Variants in DOCK4 observed in about 807,000 individuals in gnomAD.
DOCK4 encodes the protein dedicator of cytokinesis 4.
A neutral mutation model predicts 268.1 loss-of-function variants in DOCK4; 97 were observed. The ratio of observed to expected loss-of-function variants is 0.36; its 90% confidence interval spans 0.31 to 0.43. The LOEUF is 0.43. DOCK4 is among the 20% of genes least tolerant of loss of function. The probability of loss-of-function intolerance (pLI) is 1.00; values close to 1 mark genes in which losing one functional copy is unlikely to be tolerated. For synonymous variants in DOCK4, 954 were observed against 887.2 expected, an observed-to-expected ratio of 1.08 and a Z score of -1.34; for missense variants, 2,145 against 2,455.7, an observed-to-expected ratio of 0.87 and a Z score of 2.67.
intron 12 of DOCK4, among the ~76,000 whole-genome samples, chr7:111,918,466 T>C (rs1792807278): frequency 6.6e-6 from 1 of 152,206 alleles, no homozygotes; most frequent in South Asian, 2.1e-4. Context: ...TCTGGATGAT[T>C]TGATGGAGAC....
At chr7:111,746,628 T>C (rs1009625971) in intron 43 of DOCK4, among the ~76,000 whole-genome samples, 20 of 152,108 alleles carry the variant, frequency 1.3e-4, no homozygotes, top group African/African-American at 3.9e-4. Flanking sequence ...GTACAATAAG[T>C]ACCCTTGCTA....
chr7:111,768,082 A>G (rs746825841), intron 37 of DOCK4, among the ~76,000 whole-genome samples: 4 of 152,168 alleles, frequency 2.6e-5, no homozygotes, highest in Non-Finnish European at 4.4e-5. Flanking sequence ...TAAAATGTGC[A>G]TTTCATATCA....
intron 12 of DOCK4, among the ~76,000 whole-genome samples, chr7:111,930,941 G>A (rs1294261106): frequency 6.6e-6 from 1 of 152,196 alleles, no homozygotes; most frequent in Non-Finnish European, 1.5e-5. Context: ...TTCTTCCTGA[G>A]CTTCCACTCT....
At chr7:112,033,030 GT>G (rs1239193504) in intron 1 of DOCK4, among the ~76,000 whole-genome samples, 2 of 152,032 alleles carry the variant, frequency 1.3e-5, no homozygotes, top group African/African-American at 4.8e-5. Flanking sequence ...AAATATGTCT[GT>G]TTATTTTAGC....
In DOCK4 at chr7:111,928,586, CT is replaced by C. The variant is rs200976875; in HGVS notation, c.1066+6953del. Among the ~76,000 whole-genome samples the C allele has an allele frequency of 3.2e-3, 417 of 129,490 alleles. 2 individuals are homozygous for C. Among genetic ancestry groups the C allele is most frequent in the South Asian group, 8.8e-3 (35 of 3,988 alleles). The allele number at this position is 129,490 out of a possible 152,430, so 85.0% of individuals were successfully genotyped here. A position where few individuals can be genotyped will look rare whatever the true frequency, so the allele number is the denominator to read the frequency against. ...GCAAAATAGCCTGGATTTTCTTTTT[CT>C]TTTTTTTTTTTTTTTTTTAAGATGG... On this transcript the variant is annotated intron_variant, in intron 12 of 52. Coordinates refer to ENST00000428084, the MANE Select transcript of DOCK4 (RefSeq NM_001363540.2).
chr7:112,013,006 T>C (rs1562991584), intron 1 of DOCK4, among the ~76,000 whole-genome samples: 4 of 152,080 alleles, frequency 2.6e-5, no homozygotes, highest in Non-Finnish European at 2.9e-5. Context: ...TTAGCAAATA[T>C]CACAAAAGTG....
At chr7:111,903,996 T>C (rs896106533) in intron 13 of DOCK4, among the ~76,000 whole-genome samples, 5 of 152,190 alleles carry the variant, frequency 3.3e-5, no homozygotes, top group African/African-American at 1.2e-4. Context: ...ACACAGGGAT[T>C]AACTGTCCTG....
At position 111,755,373 on chromosome 7, in the gene DOCK4, C is replaced by T. The variant is rs539277065; in HGVS notation, c.4416+142G>A. On this transcript the variant is annotated intron_variant, in intron 42 of 52. Transcript: ENST00000428084. The stretch of plus-strand genomic sequence containing the variant: ...TTCACCTTCTCAGCCTTGGTAATAG[C>T]GGTCAAGACCATAAACATTCACTAT... 99 of 714,736 alleles carry T rather than the reference C, an allele frequency of 1.4e-4. 1 individual carries two copies. The Middle Eastern group carries it at 2.2e-3, about 16-fold the overall frequency. The allele number at this position is 714,736 out of a possible 1,614,324, so 44.3% of individuals were successfully genotyped here.
chr7:111,822,402 A>T lies in DOCK4; in HGVS notation c.2890T>A (p.Phe964Ile), dbSNP rs1468513815. Residue 964 changes from phenylalanine to isoleucine, a missense_variant, in exon 27 of 53, where the codon TTT becomes ATT. Physicochemically the swap from Phe to Ile is conservative, Grantham distance 21. Coordinates refer to ENST00000428084, the MANE Select transcript of DOCK4 (RefSeq NM_001363540.2). ...VFRILIRPEMFPKDWTVMRLV... is the reference protein window; with the variant it reads ...VFRILIRPEMIPKDWTVMRLV... The stretch of plus-strand genomic sequence containing the variant: ...CGCATAACAGTCCAGTCCTTTGGAA[A>T]CATCTCCGGGCGTATCAATATTCGG... 1 of 1,613,684 alleles carries T rather than the reference A, an allele frequency of 6.2e-7. No homozygotes were observed. The highest frequency in any genetic ancestry group is 8.5e-7 in the Non-Finnish European group (1 of 1,179,776).
chr7:111,881,511 T>C (rs2134290126), intron 16 of DOCK4, among the ~76,000 whole-genome samples: 1 of 152,266 alleles, frequency 6.6e-6, no homozygotes, highest in Admixed American at 6.5e-5. Context: ...GGAGAAGAGT[T>C]TGGAGGTTCC....
At chr7:112,200,287 G>A (rs1389648795) in intron 1 of DOCK4, among the ~76,000 whole-genome samples, 1 of 152,046 alleles carries the variant, frequency 6.6e-6, no homozygotes, top group Non-Finnish European at 1.5e-5. Context: ...GGTGGTACTG[G>A]GGGATATTTA....
intron 1 of DOCK4, among the ~76,000 whole-genome samples, chr7:112,184,893 T>C (rs532484838): frequency 6.6e-6 from 1 of 152,164 alleles, no homozygotes; most frequent in Non-Finnish European, 1.5e-5. Flanking sequence ...CTCAAGATCA[T>C]CCACAGTAAT....
intron 8 of DOCK4, among the ~76,000 whole-genome samples, chr7:111,960,120 C>T (rs1796750769): frequency 6.6e-6 from 1 of 151,866 alleles, no homozygotes. Context: ...TATCCTAGCA[C>T]TTTCGGAGGC....
intron 1 of DOCK4, among the ~76,000 whole-genome samples, chr7:112,156,211 T>C (rs183284338): frequency 6.6e-6 from 1 of 152,292 alleles, no homozygotes; most frequent in East Asian, 1.9e-4. Context: ...ATGGCCTCCC[T>C]CACACTGTGT....
intron 41 of DOCK4, among the ~76,000 whole-genome samples, chr7:111,757,536 A>G (rs1797113936): frequency 6.6e-6 from 1 of 152,214 alleles, no homozygotes; most frequent in Non-Finnish European, 1.5e-5. Context: ...GAACATGATC[A>G]TGGATCTTTT....
At chr7:111,894,231 AAG>A (rs1808537593) in intron 16 of DOCK4, among the ~76,000 whole-genome samples, 2 of 151,624 alleles carry the variant, frequency 1.3e-5, no homozygotes, top group South Asian at 2.1e-4. Flanking sequence ...CAAAAAAAAA[AAG>A]AAAAAAGAAA....
At chr7:112,187,347 A>G (rs1479324182) in intron 1 of DOCK4, among the ~76,000 whole-genome samples, 1 of 152,184 alleles carries the variant, frequency 6.6e-6, no homozygotes, top group Non-Finnish European at 1.5e-5. Context: ...AAAAGACATT[A>G]TCTCCATCAA....
chr7:112,058,024 A>ATTTTTTTTTTTTTT (rs67991598), intron 1 of DOCK4, among the ~76,000 whole-genome samples: 3 of 115,040 alleles, frequency 2.6e-5, no homozygotes, highest in African/African-American at 6.4e-5. Flanking sequence ...TACAGGTTCA[A>ATTTTTTTTTTTTTT]TTTTTTTTTT....
In DOCK4 at chr7:112,038,919, T is replaced by G. The variant is rs1221935353; in HGVS notation, c.38-34788A>C. On this transcript the variant is annotated intron_variant, in intron 1 of 52. Transcript: ENST00000428084. ...ATATTAGACCAATGTCGCTATCTTCTAGGCCTAGGAAATGGTGCATACCAG... is the reference window on the plus strand; with the variant it reads ...ATATTAGACCAATGTCGCTATCTTCGAGGCCTAGGAAATGGTGCATACCAG... 3.9e-5 allele frequency among the ~76,000 whole-genome samples: 6 copies of G among 152,344 alleles called. No individual in the cohort carries two copies. In the South Asian group the frequency reaches 8.3e-4, roughly 21 times the overall value.
Sources: allele counts gnomAD v4.1 joint callset (sites outside exome capture counted in the v4.1 genomes callset), GRCh38; gene constraint gnomAD v4.1.1; transcripts MANE v1.5; gene names NCBI Gene and HGNC (gene_info 2026-07-23, HGNC 2026-07-21).